The following PPARGC1A variants were observed in gnomAD, a reference collection of about 807,000 sequenced individuals.
PPARGC1A encodes PPARG coactivator 1 alpha.
PPARGC1A carries 25 observed loss-of-function variants against 88.7 expected under a neutral mutation model. The ratio of observed to expected loss-of-function variants is 0.28; its 90% CI spans 0.21 to 0.39. The LOEUF (loss-of-function observed/expected upper bound fraction) is 0.39. Among genes scored for constraint, PPARGC1A ranks in the 10% least tolerant of loss-of-function variants. The pLI is 1.00. For synonymous variants in PPARGC1A, 363 were observed against 355.6 expected (o/e 1.02, Z -0.24); for missense variants, 880 against 968.7 (o/e 0.91, Z 1.22).
At chr4:23,986,185 G>A in the PPARGC1A span, among the ~76,000 whole-genome samples, 6 of 152,024 alleles carry the variant, frequency 3.9e-5, no homozygotes, top group Non-Finnish European at 8.8e-5. Flanking sequence ...GGAAGGTAAA[G>A]TGTTCACTGG....
At chr4:24,336,311 A>T in the PPARGC1A span, among the ~76,000 whole-genome samples, 1 of 152,202 alleles carries the variant, frequency 6.6e-6, no homozygotes, top group African/African-American at 2.4e-5. Context: ...AGGGATGGTG[A>T]AGGTACATCT....
chr4:24,295,231 G>A, the PPARGC1A span, among the ~76,000 whole-genome samples: 4 of 152,116 alleles, frequency 2.6e-5, no homozygotes, highest in African/African-American at 7.2e-5. Flanking sequence ...GAAAAGGATG[G>A]TAATAATCTC....
At chr4:24,291,109 G>A in the PPARGC1A span, among the ~76,000 whole-genome samples, 3 of 152,066 alleles carry the variant, frequency 2.0e-5, no homozygotes, top group African/African-American at 7.2e-5. Context: ...ATGGTTTCCT[G>A]ATCTCCAATC....
the PPARGC1A span, among the ~76,000 whole-genome samples, chr4:24,226,839 G>A: frequency 2.0e-5 from 3 of 152,208 alleles, no homozygotes; most frequent in Non-Finnish European, 2.9e-5. Context: ...ATGATCGTGT[G>A]ATGTTTATAG....
At chr4:23,867,354 C>G (rs544363927) in intron 2 of PPARGC1A, among the ~76,000 whole-genome samples, 6 of 152,202 alleles carry the variant, frequency 3.9e-5, no homozygotes, top group African/African-American at 1.2e-4. Flanking sequence ...AAATTAGTGC[C>G]TAGCATGTAG....
chr4:23,859,622 A>G (rs960479442), intron 2 of PPARGC1A, among the ~76,000 whole-genome samples: 1 of 151,916 alleles, frequency 6.6e-6, no homozygotes, highest in African/African-American at 2.4e-5. Context: ...TCTAGTAAAA[A>G]TACAAAAAAT....
At chr4:24,331,504 C>T in the PPARGC1A span, among the ~76,000 whole-genome samples, 1 of 152,146 alleles carries the variant, frequency 6.6e-6, no homozygotes, top group African/African-American at 2.4e-5. Flanking sequence ...CAGAACATGC[C>T]CATCTTGTTT....
the PPARGC1A span, among the ~76,000 whole-genome samples, chr4:24,410,830 AG>A: frequency 1.3e-5 from 2 of 152,172 alleles, no homozygotes; most frequent in Admixed American, 1.3e-4. Flanking sequence ...GTGGTTCGCC[AG>A]GGGCTCCCAG....
chr4:24,260,489 A>G, the PPARGC1A span, among the ~76,000 whole-genome samples: 1 of 152,202 alleles, frequency 6.6e-6, no homozygotes. Flanking sequence ...ATCCAAAGAG[A>G]TTTAGAAGCA....
chr4:24,437,124 A>G, the PPARGC1A span, among the ~76,000 whole-genome samples: 5 of 152,250 alleles, frequency 3.3e-5, no homozygotes, highest in South Asian at 2.1e-4. Context: ...ACTCAATAAT[A>G]AGCAAATACG....
At chr4:24,017,632 A>C in the PPARGC1A span, among the ~76,000 whole-genome samples, 1 of 152,304 alleles carries the variant, frequency 6.6e-6, no homozygotes, top group Non-Finnish European at 1.5e-5. Flanking sequence ...CTAAATTTGT[A>C]CTTAGAATAT....
At chr4:24,323,770 T>A in the PPARGC1A span, among the ~76,000 whole-genome samples, 1 of 152,188 alleles carries the variant, frequency 6.6e-6, no homozygotes, top group Non-Finnish European at 1.5e-5. Context: ...CAATCCCCCA[T>A]CCTCCTGCTC....
chr4:24,470,329 C>T, the PPARGC1A span, among the ~76,000 whole-genome samples: 1 of 151,146 alleles, frequency 6.6e-6, no homozygotes, highest in Admixed American at 6.6e-5. The surrounding 1 kb of genome is among the most constrained non-coding windows in gnomAD (Gnocchi z 5.8). Flanking sequence ...CACACACTCT[C>T]TCACACAGGC....
the PPARGC1A span, among the ~76,000 whole-genome samples, chr4:24,192,994 A>C: frequency 6.6e-6 from 1 of 152,200 alleles, no homozygotes; most frequent in Admixed American, 6.5e-5. Context: ...TTTTTTCAGC[A>C]CCAGAACATT....
the PPARGC1A span, among the ~76,000 whole-genome samples, chr4:24,026,484 G>T: frequency 6.6e-6 from 1 of 152,020 alleles, no homozygotes; most frequent in African/African-American, 2.4e-5. Context: ...AATCATTTCA[G>T]GTCCCTTTCT....
chr4:24,136,888 G>A, the PPARGC1A span, among the ~76,000 whole-genome samples: 3 of 152,140 alleles, frequency 2.0e-5, no homozygotes, highest in African/African-American at 7.2e-5. Flanking sequence ...GGCTGAGGTA[G>A]GTGGATCACG....
the PPARGC1A span, among the ~76,000 whole-genome samples, chr4:24,420,380 C>G: frequency 6.6e-6 from 1 of 152,082 alleles, no homozygotes; most frequent in African/African-American, 2.4e-5. Flanking sequence ...AATCTGAGAA[C>G]AGTTCTAAAT....
the PPARGC1A span, among the ~76,000 whole-genome samples, chr4:24,363,459 G>A: frequency 3.9e-5 from 6 of 152,104 alleles, no homozygotes; most frequent in Non-Finnish European, 7.4e-5. Flanking sequence ...CATTCAGCTC[G>A]GTAATATACC....
chr4:24,206,156 A>C, the PPARGC1A span, among the ~76,000 whole-genome samples: 1 of 152,200 alleles, frequency 6.6e-6, no homozygotes, highest in Non-Finnish European at 1.5e-5. Flanking sequence ...TTTAATAAAA[A>C]AATAAAGGGC....
Sources: gnomAD v4.1 joint callset for allele counts (sites outside exome capture counted in the v4.1 genomes callset) on GRCh38, gnomAD v4.1.1 for gene constraint, Gnocchi (gnomAD v3.1) non-coding constraint, MANE v1.5 for transcripts, NCBI Gene and HGNC (gene_info 2026-07-23, HGNC 2026-07-21) for gene names.